Variants in COL9A2 observed in about 807,000 individuals in gnomAD.
COL9A2 encodes collagen type IX alpha 2 chain.
Under a neutral mutation model 111.6 loss-of-function variants are expected in COL9A2, and 66 were observed. The ratio of observed to expected loss-of-function variants is 0.59; its 90% confidence interval spans 0.48 to 0.73. The LOEUF (loss-of-function observed/expected upper bound fraction) is 0.73. Ranked by LOEUF, COL9A2 falls within the 30% of genes least tolerant of loss-of-function variation. COL9A2 has a pLI of 0.00. For synonymous variants in COL9A2, 353 were observed against 364.1 expected, an observed-to-expected ratio of 0.97 and a Z score of 0.35; for missense variants, 881 against 954.1, an observed-to-expected ratio of 0.92 and a Z score of 1.01.
In COL9A2 at chr1:40,314,313, G is replaced by A. The variant is rs373646687; in HGVS notation, c.186+39C>T. 4.7e-5 allele frequency: 76 copies of A among 1,614,236 alleles called. No homozygotes were observed. In the African/African-American group the frequency reaches 9.2e-4, roughly 20 times the overall value. On this transcript the variant is annotated intron_variant, in intron 3 of 31. Transcript: ENST00000372748. This position sits in a 1 kb window ranked among gnomAD's most constrained non-coding sequence, Gnocchi z 4.1. ...AAACATGAGCCAGAGGAGGGCAAGA[G>A]CAGGAAGGGTCAAAGGCCAAAGAGG...
At chr1:40,305,281 T>A (rs954619626) in intron 21 of COL9A2, among the ~76,000 whole-genome samples, 11 of 152,110 alleles carry the variant, frequency 7.2e-5, no homozygotes, top group Admixed American at 7.2e-4. Context: ...GGTCTGGATC[T>A]CCTGACCTCG....
Position 40,317,190 on chromosome 1 carries a change from G to A in COL9A2, c.8C>T (p.Ala3Val), listed in dbSNP as rs1644233225. Residue 3 changes from alanine (A) to valine (V), a missense_variant, in exon 1 of 32, where the codon GCC (alanine) becomes GTC (valine). Ala to Val is a moderately conservative substitution (Grantham distance 64). Coordinates refer to ENST00000372748, the MANE Select transcript of COL9A2 (RefSeq NM_001852.4). The surrounding 1 kb of genome is among the most constrained non-coding windows in gnomAD (Gnocchi z 4.3). MAAATASPRSLLV... is the reference protein window; with the variant it reads MAVATASPRSLLV... The stretch of plus-strand genomic sequence containing the variant: ...GAGGCTGCGGGGGGAGGCCGTAGCG[G>A]CGGCCATGGCTGGCGGCGAGACCAA... The A allele has an allele frequency of 1.9e-6, 3 of 1,579,182 alleles. No homozygotes were observed. Among genetic ancestry groups the A allele is most frequent in the African/African-American group, 1.4e-5 (1 of 73,906 alleles).
chr1:40,312,048 C>T lies in COL9A2; in HGVS notation c.417+11G>A. The T allele has an allele frequency of 1.3e-6, 2 of 1,597,392 alleles. No individual in the cohort carries two copies. The highest frequency in any genetic ancestry group is 1.7e-6 in the Non-Finnish European group (2 of 1,173,700). ...GCAGGAGGCAGTGAACAGAGGGTGG[C>T]TGAGGCTCACCTTGGGGCCTCGGAT... On this transcript the variant is annotated intron_variant, in intron 8 of 31. Coordinates refer to ENST00000372748, the MANE Select transcript of COL9A2 (RefSeq NM_001852.4). This position sits in a 1 kb window ranked among gnomAD's most constrained non-coding sequence, Gnocchi z 6.0.
At position 40,310,419 on chromosome 1, in the gene COL9A2, G is replaced by T; in HGVS notation, c.685-102C>A. On this transcript the variant is annotated intron_variant, in intron 13 of 31. Transcript: ENST00000372748. This position sits in a 1 kb window ranked among gnomAD's most constrained non-coding sequence, Gnocchi z 4.9. Reference sequence around the variant, plus strand: ...ATCTTACAGTGCCCTTTTGAGGTAGGCAGCAGAGTCTCTGTCTCATGGATG... The same window carrying T: ...ATCTTACAGTGCCCTTTTGAGGTAGTCAGCAGAGTCTCTGTCTCATGGATG... The T allele has an allele frequency of 8.3e-7, 1 of 1,205,030 alleles. No homozygotes were observed. The highest frequency in any genetic ancestry group is 1.2e-6 in the Non-Finnish European group (1 of 818,618). 74.6% of individuals were successfully genotyped at this position (1,205,030 alleles called of 1,614,324 possible).
Position 40,302,697 on chromosome 1 carries a change from G to A in COL9A2, c.1716C>T (p.Pro572=). The A allele has an allele frequency of 6.3e-7, 1 of 1,591,456 alleles. No homozygotes were observed. The highest frequency in any genetic ancestry group is 1.3e-5 in the African/African-American group (1 of 74,362). Reference sequence around the variant, plus strand: ...CGCCCCGAGGGCCAGGGTGCCCATGGGGGCCCTGCTTGCCTGGGTACCCAG... The same window carrying A: ...CGCCCCGAGGGCCAGGGTGCCCATGAGGGCCCTGCTTGCCTGGGTACCCAG... ...GPPGYPGKQG[P]HGHPGPRGVP... Residue 572 remains proline (P), a synonymous_variant, in exon 30 of 32, where the codon CCC becomes CCT. Transcript: ENST00000372748. This position sits in a 1 kb window ranked among gnomAD's most constrained non-coding sequence, Gnocchi z 4.5.
rs752033124 is a variant in COL9A2 at position 40,305,767 on chromosome 1, C to A, written c.1055G>T (p.Gly352Val). The A allele has an allele frequency of 1.9e-6, 3 of 1,614,130 alleles. No individual in the cohort carries two copies. The East Asian group carries it at 6.7e-5, about 36-fold the overall frequency. The change falls in exon 21 of 32, where the codon GGT (glycine) becomes GTT (valine). Residue 352 changes from glycine to valine, a missense_variant and splice_region_variant. By Grantham distance (109) the Gly-to-Val change is moderately radical. Coordinates refer to ENST00000372748, the MANE Select transcript of COL9A2 (RefSeq NM_001852.4). Reference protein sequence around the residue: ...PGTKGGPGDQGEPGPQGLPGF... With the variant: ...PGTKGGPGDQVEPGPQGLPGF... Reference sequence around the variant, plus strand: ...AGGAAGGCCCTGCGGGCCCGGCTCACCCTGCAGGAAAACAGTTCTCAGGTC... The same window carrying A: ...AGGAAGGCCCTGCGGGCCCGGCTCAACCTGCAGGAAAACAGTTCTCAGGTC...
Position 40,302,830 on chromosome 1 carries a change from AGG to A in COL9A2, c.1604-23_1604-22del. 6 of 811,198 alleles carry A rather than the reference AGG, an allele frequency of 7.4e-6. No individual in the cohort carries two copies. Among genetic ancestry groups the A allele is most frequent in the Non-Finnish European group, 1.1e-5 (6 of 529,140 alleles). 50.3% of individuals were successfully genotyped at this position (811,198 alleles called of 1,614,324 possible). ...TTGCTCTGGAGGGAGGGAGGGAGGG[AGG>A]GAGAGGGAAGTCTATGAGATGGGTG... On this transcript the variant is annotated intron_variant, in intron 29 of 31. Coordinates refer to ENST00000372748, the MANE Select transcript of COL9A2 (RefSeq NM_001852.4). This position sits in a 1 kb window ranked among gnomAD's most constrained non-coding sequence, Gnocchi z 4.5.
In COL9A2 at chr1:40,308,257, A is replaced by ATCTC; in HGVS notation, c.847-13_847-12insGAGA. 6.2e-7 allele frequency: 1 copy of ATCTC among 1,613,276 alleles called. No individual in the cohort carries two copies. Among genetic ancestry groups the ATCTC allele is most frequent in the Non-Finnish European group, 8.5e-7 (1 of 1,179,648 alleles). On this transcript the variant is annotated splice_polypyrimidine_tract_variant and intron_variant, in intron 16 of 31. Transcript: ENST00000372748. The stretch of plus-strand genomic sequence containing the variant: ...ATACCTGGGCTGCCCTGCAAAGCGG[A>ATCTC]GAGAGATCAGGTCACCCTCAGGATG...
intron 22 of COL9A2, 64 bp downstream of exon 22, chr1:40,304,730 T>C (rs1274141863): frequency 3.4e-6 from 5 of 1,476,220 alleles, no homozygotes; most frequent in Non-Finnish European, 4.6e-6. Context: ...GAGCAGATGC[T>C]GTATCCAGCA....
chr1:40,304,039 T>C, intron 25 of COL9A2, 25 bp downstream of exon 25: 2 of 1,577,330 alleles, frequency 1.3e-6, no homozygotes, highest in Non-Finnish European at 1.7e-6. Flanking sequence ...TGGGGGTCGC[T>C]GGGAACAGGG....
At position 40,304,698 on chromosome 1, in the gene COL9A2, G is replaced by T. The variant is rs527417364; in HGVS notation, c.1161+96C>A. On this transcript the variant is annotated intron_variant, in intron 22 of 31. Coordinates refer to ENST00000372748, the MANE Select transcript of COL9A2 (RefSeq NM_001852.4). ...AAAGCAAACCTAGGCCCTGCCTGGG[G>T]AGGCATCTCACGGGCTGCACGGAGC... is the stretch of plus-strand genomic sequence containing the variant. 29 of 1,404,304 alleles carry T rather than the reference G, an allele frequency of 2.1e-5. No homozygotes were observed. The African/African-American group carries it at 4.0e-4, about 19-fold the overall frequency. The allele number at this position is 1,404,304 out of a possible 1,614,324, so 87.0% of individuals were successfully genotyped here.
rs779082497 is a variant in COL9A2 at position 40,312,034 on chromosome 1, T to G, written c.417+25A>C. The G allele has an allele frequency of 6.3e-7, 1 of 1,593,576 alleles. No homozygotes were observed. ...CTTGGAGATAGAAGGCAGGAGGCAG[T>G]GAACAGAGGGTGGCTGAGGCTCACC... is the stretch of plus-strand genomic sequence containing the variant. On this transcript the variant is annotated intron_variant, in intron 8 of 31. Transcript: ENST00000372748. This position sits in a 1 kb window ranked among gnomAD's most constrained non-coding sequence, Gnocchi z 6.0.
chr1:40,314,450 C>T lies in COL9A2; in HGVS notation c.151-63G>A, dbSNP rs1040835517. 3 of 1,588,732 alleles carry T rather than the reference C, an allele frequency of 1.9e-6. No homozygotes were observed. Among genetic ancestry groups the T allele is most frequent in the Middle Eastern group, 1.7e-4 (1 of 6,030 alleles). ...TCACACTACCCCAAGTGGGCACACA[C>T]AGGCCCTGGCAGGCCGCTCCCAAAG... On this transcript the variant is annotated intron_variant, in intron 2 of 31. Transcript: ENST00000372748. The surrounding 1 kb of genome is among the most constrained non-coding windows in gnomAD (Gnocchi z 4.1).
rs1644093980 is a variant in COL9A2 at position 40,309,983 on chromosome 1, T to C, written c.801A>G (p.Glu267=). 6.2e-7 allele frequency: 1 copy of C among 1,614,030 alleles called. No homozygotes were observed. Among genetic ancestry groups the C allele is most frequent in the Non-Finnish European group, 8.5e-7 (1 of 1,180,024 alleles). The change falls in exon 16 of 32, where the codon GAA becomes GAG. Residue 267 remains glutamate, a synonymous_variant. Coordinates refer to ENST00000372748, the MANE Select transcript of COL9A2 (RefSeq NM_001852.4). Reference sequence around the variant, plus strand: ...CTCGGCCTGGCGGTCCCCTAGGACCTTCCTCACCCTGGCAAGAAAGACAAG... The same window carrying C: ...CTCGGCCTGGCGGTCCCCTAGGACCCTCCTCACCCTGGCAAGAAAGACAAG... ...AIGATGPPGE[E]GPRGPPGRAG...
Position 40,302,015 on chromosome 1 carries a change from A to T in COL9A2, c.1793-126T>A. 1 of 945,060 alleles carries T rather than the reference A, an allele frequency of 1.1e-6. No individual in the cohort carries two copies. The highest frequency in any genetic ancestry group is 1.7e-6 in the Non-Finnish European group (1 of 605,336). 58.5% of individuals were successfully genotyped at this position (945,060 alleles called of 1,614,324 possible). A position where few individuals can be genotyped will look rare whatever the true frequency, so the allele number is the denominator to read the frequency against. ...TAGTTTGTAATAGAGGAAAGTTGGAAATGGTCACGCAGGGCTTGTTAAATA... is the reference window on the plus strand; with the variant it reads ...TAGTTTGTAATAGAGGAAAGTTGGATATGGTCACGCAGGGCTTGTTAAATA... On this transcript the variant is annotated intron_variant, in intron 30 of 31. Transcript: ENST00000372748. This position sits in a 1 kb window ranked among gnomAD's most constrained non-coding sequence, Gnocchi z 4.5.
rs1158658860 is a variant in COL9A2, at chr1:40,314,500, G to C, written c.151-113C>G. The C allele has an allele frequency of 1.6e-6, 2 of 1,281,640 alleles. No individual in the cohort carries two copies. The highest frequency in any genetic ancestry group is 4.7e-5 in the East Asian group (2 of 42,948). 79.4% of individuals were successfully genotyped at this position (1,281,640 alleles called of 1,614,324 possible). The stretch of plus-strand genomic sequence containing the variant: ...GGCTCTCCTCACTCTCCTCTCTTCT[G>C]TCCAGGTCCCCTAAGCCTTGCAATC... On this transcript the variant is annotated intron_variant, in intron 2 of 31. Transcript: ENST00000372748. This position sits in a 1 kb window ranked among gnomAD's most constrained non-coding sequence, Gnocchi z 4.1.
chr1:40,310,876 A>G lies in COL9A2; in HGVS notation c.631-109T>C, dbSNP rs963075227. On this transcript the variant is annotated intron_variant, in intron 12 of 31. Transcript: ENST00000372748. The surrounding 1 kb of genome is among the most constrained non-coding windows in gnomAD (Gnocchi z 4.9). ...CCAGCACAAGCAGACGGGAGGGACT[A>G]CTACGAACCCTACAGTCCTGTGTTA... The G allele has an allele frequency of 9.3e-7, 1 of 1,072,592 alleles. No individual in the cohort carries two copies. Among genetic ancestry groups the G allele is most frequent in the Non-Finnish European group, 1.4e-6 (1 of 713,004 alleles). 66.4% of individuals were successfully genotyped at this position (1,072,592 alleles called of 1,614,324 possible).
rs760921400 is a variant in COL9A2 at position 40,301,186 on chromosome 1, G to A, written c.2066C>T (p.Pro689Leu). 1.9e-6 allele frequency: 3 copies of A among 1,613,238 alleles called. No individual in the cohort carries two copies. Among genetic ancestry groups the A allele is most frequent in the Non-Finnish European group, 2.5e-6 (3 of 1,180,020 alleles). The stretch of plus-strand genomic sequence containing the variant: ...GGCTCTGTCTGGGCCTGATGCTCAA[G>A]GCCCCTTGATGGATCCAGGCTCTGT... ...RLTEPGSIKG[P>L] is the part of the protein sequence containing the mutation. Residue 689 changes from proline to leucine, a missense_variant, in exon 32 of 32, where the codon CCT becomes CTT. Coordinates refer to ENST00000372748, the MANE Select transcript of COL9A2 (RefSeq NM_001852.4).
rs1022601978 is a variant in COL9A2, at chr1:40,310,865, C to T, written c.631-98G>A. 5.4e-5 allele frequency: 61 copies of T among 1,125,514 alleles called. No homozygotes were observed. The East Asian group carries it at 5.9e-4, about 11-fold the overall frequency. The allele number at this position is 1,125,514 out of a possible 1,614,324, so 69.7% of individuals were successfully genotyped here. ...ACCTCTTTTCCCCAGCACAAGCAGA[C>T]GGGAGGGACTACTACGAACCCTACA... On this transcript the variant is annotated intron_variant, in intron 12 of 31. Transcript: ENST00000372748. The surrounding 1 kb of genome is among the most constrained non-coding windows in gnomAD (Gnocchi z 4.9).
Sources: allele counts gnomAD v4.1 joint callset (sites outside exome capture counted in the v4.1 genomes callset), GRCh38; gene constraint gnomAD v4.1.1; non-coding constraint Gnocchi (gnomAD v3.1); transcripts MANE v1.5; gene names NCBI Gene and HGNC (gene_info 2026-07-23, HGNC 2026-07-21).